The following FAT4 variants were observed in gnomAD, a reference collection of about 807,000 sequenced individuals.
The protein encoded by FAT4 is FAT atypical cadherin 4, also known as protocadherin Fat 4.
A neutral mutation model predicts 303.9 loss-of-function variants in FAT4; 84 were observed. The ratio of observed to expected loss-of-function variants is 0.28; its 90% CI spans 0.23 to 0.33. The LOEUF is 0.33. Ranked by LOEUF, FAT4 falls within the 10% of genes least tolerant of loss-of-function variation. The pLI is 1.00. For synonymous variants in FAT4, 2,307 were observed against 2,298.8 expected (o/e 1.00, Z -0.10); for missense variants, 6,005 against 6,146.8 (o/e 0.98, Z 0.77).
At position 125,450,460 on chromosome 4, in the gene FAT4, A is replaced by G. The variant is rs771111719; in HGVS notation, c.9450A>G (p.Leu3150=). ...ATTCTTCTACAGGTATATTAACACT[A>G]GCCAAAGCTCTTGATTATGAGCTAT... The part of the protein sequence containing the change: ...AINSSTGILT[L]AKALDYELCQ... Residue 3150 remains leucine (L), a synonymous_variant, in exon 10 of 18, where the codon CTA becomes CTG. Coordinates refer to ENST00000394329, the MANE Select transcript of FAT4 (RefSeq NM_001291303.3). 13 of 1,613,998 alleles carry G rather than the reference A, an allele frequency of 8.1e-6. No homozygotes were observed. In the East Asian group the frequency reaches 8.9e-5, roughly 11 times the overall value.
At chr4:125,455,273 C>A (rs1460563581) in intron 10 of FAT4, among the ~76,000 whole-genome samples, 1 of 152,138 alleles carries the variant, frequency 6.6e-6, no homozygotes, top group Admixed American at 6.5e-5. Flanking sequence ...CTGGTGTGAA[C>A]AAAGGCACCA....
chr4:125,463,718 A>C lies in FAT4; in HGVS notation c.11905+51A>C, dbSNP rs986710736. 4 of 1,300,672 alleles carry C rather than the reference A, an allele frequency of 3.1e-6. No individual in the cohort carries two copies. In the African/African-American group the frequency reaches 5.9e-5, roughly 19 times the overall value. The allele number at this position is 1,300,672 out of a possible 1,614,324, so 80.6% of individuals were successfully genotyped here. On this transcript the variant is annotated intron_variant, in intron 11 of 17. Coordinates refer to ENST00000394329, the MANE Select transcript of FAT4 (RefSeq NM_001291303.3). ...AAAATATAAGTTTATTTTTGCACAC[A>C]GTTTAGCAATTTTGTTTTATTATGA...
chr4:125,417,614 A>T (rs768899814), intron 7 of FAT4, among the ~76,000 whole-genome samples: 3 of 152,190 alleles, frequency 2.0e-5, no homozygotes, highest in Non-Finnish European at 4.4e-5. Flanking sequence ...GAGCAATCAG[A>T]TTATCAGTAA....
chr4:125,371,542 T>C (rs1299275974), intron 2 of FAT4, among the ~76,000 whole-genome samples: 1 of 151,692 alleles, frequency 6.6e-6, no homozygotes, highest in African/African-American at 2.4e-5. Flanking sequence ...AGTAATAATA[T>C]AGAAATAGTT....
chr4:125,376,959 T>C (rs1190727456), intron 2 of FAT4, among the ~76,000 whole-genome samples: 1 of 152,096 alleles, frequency 6.6e-6, no homozygotes, highest in Non-Finnish European at 1.5e-5. Flanking sequence ...TAAATATAGA[T>C]TTGTTTTTGC....
At chr4:125,457,650 GCT>G (rs1169376449) in intron 10 of FAT4, among the ~76,000 whole-genome samples, 11 of 151,822 alleles carry the variant, frequency 7.2e-5, no homozygotes, top group Admixed American at 6.6e-5. Context: ...ACCATATGAA[GCT>G]TTGATTAACT....
intron 2 of FAT4, among the ~76,000 whole-genome samples, chr4:125,368,946 C>G (rs1490291658): frequency 6.6e-6 from 1 of 152,114 alleles, no homozygotes; most frequent in East Asian, 1.9e-4. Context: ...TCAAGTTTCA[C>G]TTTGGAGAAC....
intron 10 of FAT4, among the ~76,000 whole-genome samples, chr4:125,455,870 A>G (rs1726260756): frequency 6.6e-6 from 1 of 152,208 alleles, no homozygotes. Context: ...TGAGGCAGGA[A>G]AGTATTTGCT....
intron 16 of FAT4, among the ~76,000 whole-genome samples, chr4:125,487,024 AT>A (rs569289140): frequency 5.1e-4 from 77 of 152,314 alleles, no homozygotes; most frequent in South Asian, 6.2e-4. Flanking sequence ...AATACAAATA[AT>A]TTAAAAAGGT....
chr4:125,391,070 G>A (rs1357792821), intron 2 of FAT4, among the ~76,000 whole-genome samples: 2 of 152,060 alleles, frequency 1.3e-5, no homozygotes, highest in African/African-American at 4.8e-5. Flanking sequence ...ACACTGTTGG[G>A]GGTAATGTAA....
intron 2 of FAT4, among the ~76,000 whole-genome samples, chr4:125,346,679 T>C (rs556413871): frequency 2.6e-5 from 4 of 152,142 alleles, no homozygotes; most frequent in Admixed American, 2.0e-4. Context: ...TGAAAAATTA[T>C]GGTTGTCTTT....
Position 125,318,868 on chromosome 4 carries a change from C to T in FAT4, c.2457C>T (p.Thr819=). The change falls in exon 2 of 18, where the codon ACC becomes ACT. Residue 819 remains threonine (T), a synonymous_variant. Coordinates refer to ENST00000394329, the MANE Select transcript of FAT4 (RefSeq NM_001291303.3). ...GYHVGSVSAS[T]MDLNSNISYL... is the part of the protein sequence containing the mutation. Reference sequence around the variant, plus strand: ...ATGTGGGTAGTGTGTCTGCATCCACCATGGATCTCAATTCCAACATCAGTT... The same window carrying T: ...ATGTGGGTAGTGTGTCTGCATCCACTATGGATCTCAATTCCAACATCAGTT... 6.2e-7 allele frequency: 1 copy of T among 1,614,132 alleles called. No individual in the cohort carries two copies. Among genetic ancestry groups the T allele is most frequent in the Non-Finnish European group, 8.5e-7 (1 of 1,180,028 alleles).
In FAT4 at chr4:125,316,572, A is replaced by T. The variant is rs1229386101; in HGVS notation, c.161A>T (p.Glu54Val). Residue 54 changes from glutamate to valine, a missense_variant, in exon 2 of 18, where the codon GAG (glutamate) becomes GTG (valine). By Grantham distance (121) the Glu-to-Val change is moderately radical (BLOSUM62 -2). Coordinates refer to ENST00000394329, the MANE Select transcript of FAT4 (RefSeq NM_001291303.3). This position sits in a 1 kb window ranked among gnomAD's most constrained non-coding sequence, Gnocchi z 5.7. ...EPRQVFQVLEEQPPGTLVGTI... is the reference protein window; with the variant it reads ...EPRQVFQVLEVQPPGTLVGTI... ...CGCCAGGTGTTCCAAGTGCTGGAAG[A>T]GCAACCTCCAGGCACTCTGGTAGGC... 2 of 1,613,996 alleles carry T rather than the reference A, an allele frequency of 1.2e-6. No individual in the cohort carries two copies. Among genetic ancestry groups the T allele is most frequent in the South Asian group, 1.1e-5 (1 of 91,078 alleles).
intron 2 of FAT4, among the ~76,000 whole-genome samples, chr4:125,325,442 A>G (rs953975846): frequency 2.0e-5 from 3 of 152,170 alleles, no homozygotes; most frequent in Non-Finnish European, 4.4e-5. Context: ...TTTTCCTGGA[A>G]GTGTCAGGCT....
In FAT4 at chr4:125,491,107, A is replaced by G. The variant is rs552252173; in HGVS notation, c.14291A>G (p.His4764Arg). Residue 4764 changes from histidine to arginine, a missense_variant, in exon 18 of 18, where the codon CAT becomes CGT. His to Arg is a conservative substitution (Grantham distance 29). Coordinates refer to ENST00000394329, the MANE Select transcript of FAT4 (RefSeq NM_001291303.3). ...AAGAGTCCTCAGGCCATGGCATCAC[A>G]TGGTTCTAGACCAGGGAGTCGCCTA... is the stretch of plus-strand genomic sequence containing the variant. Reference protein sequence around the residue: ...RSKSPQAMASHGSRPGSRLKQ... With the variant: ...RSKSPQAMASRGSRPGSRLKQ... The G allele has an allele frequency of 1.3e-5, 21 of 1,614,148 alleles. No individual in the cohort carries two copies. In the African/African-American group the frequency reaches 1.9e-4, roughly 14 times the overall value.
At chr4:125,385,564 G>T (rs1733716162) in intron 2 of FAT4, among the ~76,000 whole-genome samples, 1 of 151,854 alleles carries the variant, frequency 6.6e-6, no homozygotes, top group Admixed American at 6.6e-5. Context: ...GATGTCATAG[G>T]ATACTTTGAA....
chr4:125,446,976 A>C (rs937174781), intron 9 of FAT4, among the ~76,000 whole-genome samples: 2 of 152,042 alleles, frequency 1.3e-5, no homozygotes, highest in African/African-American at 4.8e-5. Context: ...TCAGTGGAAA[A>C]TGAATATTTG....
chr4:125,356,412 G>A (rs903631308), intron 2 of FAT4, among the ~76,000 whole-genome samples: 40 of 151,950 alleles, frequency 2.6e-4, no homozygotes, highest in Non-Finnish European at 4.9e-4. Flanking sequence ...GTAACAGATT[G>A]TTATTTACAA....
chr4:125,346,722 G>A (rs1411488099), intron 2 of FAT4, among the ~76,000 whole-genome samples: 1 of 152,012 alleles, frequency 6.6e-6, no homozygotes, highest in African/African-American at 2.4e-5. Flanking sequence ...GCAGGTCATT[G>A]AGTTAATTTT....
Sources: allele counts gnomAD v4.1 joint callset (sites outside exome capture counted in the v4.1 genomes callset), GRCh38; gene constraint gnomAD v4.1.1; non-coding constraint Gnocchi (gnomAD v3.1); transcripts MANE v1.5; gene names NCBI Gene and HGNC (gene_info 2026-07-23, HGNC 2026-07-21).